The following CENATAC variants were observed in gnomAD, a reference collection of about 807,000 sequenced individuals.
The protein encoded by CENATAC is coiled-coil domain containing 84.
A neutral mutation model predicts 53.7 loss-of-function variants in CENATAC; 53 were observed. The observed-to-expected ratio is 0.99, with a 90% CI of 0.79 to 1.24. CENATAC has a LOEUF of 1.24. Ranked by LOEUF, CENATAC falls within the 50% of genes most tolerant of loss-of-function variation. The pLI is 0.00. For synonymous variants in CENATAC, 156 were observed against 144.6 expected (o/e 1.08, Z -0.57); for missense variants, 474 against 417.8 (o/e 1.13, Z -1.17).
chr11:119,006,651 G>A (rs1197992284), intron 3 of CENATAC, among the ~76,000 whole-genome samples: 1 of 152,168 alleles, frequency 6.6e-6, no homozygotes, highest in East Asian at 1.9e-4. Flanking sequence ...TTACAGGCGT[G>A]AGCCACTGCG....
intron 8 of CENATAC, 37 bp downstream of exon 8, chr11:119,013,299 A>ATT (rs371143734): frequency 7.6e-4 from 1,009 of 1,332,292 alleles, no homozygotes; most frequent in Middle Eastern, 1.2e-3. Context: ...ACCCTGGGAG[A>ATT]TTTTTTTTTT....
chr11:119,006,206 T>C (rs982218486), intron 3 of CENATAC, among the ~76,000 whole-genome samples: 5 of 146,840 alleles, frequency 3.4e-5, no homozygotes, highest in Non-Finnish European at 7.4e-5. Context: ...CTTGAGTAGC[T>C]GGGACTACAG....
Position 119,011,015 on chromosome 11 carries a change from A to G in CENATAC, c.450+185A>G, listed in dbSNP as rs533801985. 2.0e-5 allele frequency among the ~76,000 whole-genome samples: 3 copies of G among 152,308 alleles called. No individual in the cohort carries two copies. The South Asian group carries it at 6.2e-4, about 32-fold the overall frequency. ...AGATACCTTGCATGCCCAGTTCACA[A>G]TAGTGTTTGTGCTCCTATGAGAATG... On this transcript the variant is annotated intron_variant, in intron 4 of 10. Coordinates refer to ENST00000334418, the MANE Select transcript of CENATAC (RefSeq NM_198489.3).
At chr11:119,011,801 G>C (rs1008027358) in intron 5 of CENATAC, 138 bp from the exon 6 acceptor site, 14 of 712,198 alleles carry the variant, frequency 2.0e-5, no homozygotes, top group Non-Finnish European at 3.4e-5. Flanking sequence ...GGAGGGAAGA[G>C]TCTGTAAAAG....
chr11:119,015,557 G>A lies in CENATAC; in HGVS notation c.958G>A (p.Ala320Thr), dbSNP rs782677187. The change falls in exon 11 of 11, where the codon GCT (alanine) becomes ACT (threonine). Residue 320 changes from alanine to threonine, a missense_variant. By Grantham distance (58) the Ala-to-Thr change is moderately conservative. Transcript: ENST00000334418. ...WQSRHQFKTE[A>T]AAMKKQSHTE... is the part of the protein sequence containing the mutation. ...TTTCAGACATCAATTCAAAACTGAA[G>A]CTGCAGCAATGAAGAAGCAGTCACA... is the stretch of plus-strand genomic sequence containing the variant. The A allele has an allele frequency of 3.1e-6, 5 of 1,614,110 alleles. No homozygotes were observed. The South Asian group carries it at 3.3e-5, about 11-fold the overall frequency.
At chr11:119,010,578 AAAG>A in intron 3 of CENATAC, 183 bp from the exon 4 acceptor site, 2 of 582,158 alleles carry the variant, frequency 3.4e-6, no homozygotes, top group South Asian at 2.5e-5. Context: ...TGTCTGTACA[AAAG>A]AAGTGGAGCC....
At chr11:119,005,119 G>A (rs960397035) in intron 3 of CENATAC, among the ~76,000 whole-genome samples, 1 of 151,840 alleles carries the variant, frequency 6.6e-6, no homozygotes, top group Non-Finnish European at 1.5e-5. Flanking sequence ...GTGAAAAGAA[G>A]AAAACACGGA....
At chr11:119,012,047 G>A in intron 6 of CENATAC, 44 bp downstream of exon 6, 1 of 1,613,664 alleles carries the variant, frequency 6.2e-7, no homozygotes, top group Non-Finnish European at 8.5e-7. Flanking sequence ...TGACATCTTA[G>A]AACATTCTGC....
At position 119,015,768 on chromosome 11, in the gene CENATAC, AAAATT is replaced by A; in HGVS notation, c.*174_*178del. On this transcript the variant is annotated 3_prime_UTR_variant, in exon 11 of 11. Coordinates refer to ENST00000334418, the MANE Select transcript of CENATAC (RefSeq NM_198489.3). ...GTACAGCTGGTTGGACCTGTAAAAA[AAAATT>A]AAAAGAATCAGAACCATAAAGCTTT... 7.6e-7 allele frequency: 1 copy of A among 1,323,328 alleles called. No homozygotes were observed. Among genetic ancestry groups the A allele is most frequent in the Non-Finnish European group, 1.1e-6 (1 of 932,618 alleles). The allele number at this position is 1,323,328 out of a possible 1,614,324, so 82.0% of individuals were successfully genotyped here.
chr11:119,006,973 A>G (rs1942635537), intron 3 of CENATAC, among the ~76,000 whole-genome samples: 1 of 152,174 alleles, frequency 6.6e-6, no homozygotes, highest in Non-Finnish European at 1.5e-5. Context: ...CCCCGGCCAC[A>G]TGGAACTGTG....
chr11:119,003,391 A>T, intron 3 of CENATAC: 1 of 516,952 alleles, frequency 1.9e-6, no homozygotes, highest in Non-Finnish European at 3.8e-6. Context: ...TGGCCTTCAG[A>T]GCCTTGCTTT....
At chr11:119,008,154 T>C (rs1466360888) in intron 3 of CENATAC, among the ~76,000 whole-genome samples, 2 of 151,742 alleles carry the variant, frequency 1.3e-5, no homozygotes, top group Non-Finnish European at 2.9e-5. Context: ...TCGGGTGGGA[T>C]GAGAGACGGA....
rs900768911 is a variant in CENATAC at position 119,015,762 on chromosome 11, T to TA, written c.*173dup. ...CCAAATGTACAGCTGGTTGGACCTG[T>TA]AAAAAAAAATTAAAAGAATCAGAAC... On this transcript the variant is annotated 3_prime_UTR_variant, in exon 11 of 11. Transcript: ENST00000334418. 1,008 of 1,262,656 alleles carry TA rather than the reference T, an allele frequency of 8.0e-4. 1 individual carries two copies. The highest frequency in any genetic ancestry group is 2.3e-3 in the South Asian group (180 of 78,748). The allele number at this position is 1,262,656 out of a possible 1,614,324, so 78.2% of individuals were successfully genotyped here.
chr11:119,015,601 A>G lies in CENATAC; in HGVS notation c.*3A>G, dbSNP rs782061640. 5.0e-6 allele frequency: 8 copies of G among 1,613,982 alleles called. No homozygotes were observed. Among genetic ancestry groups the G allele is most frequent in the Admixed American group, 3.3e-5 (2 of 60,020 alleles). On this transcript the variant is annotated 3_prime_UTR_variant, in exon 11 of 11. Transcript: ENST00000334418. ...AGTCACATACAGAAAAAAGCTAATCATGCTCTCTACCAACTACCATGAGGC... is the reference window on the plus strand; with the variant it reads ...AGTCACATACAGAAAAAAGCTAATCGTGCTCTCTACCAACTACCATGAGGC...
chr11:118,999,866 T>C (rs1344562167), intron 3 of CENATAC, among the ~76,000 whole-genome samples: 1 of 152,040 alleles, frequency 6.6e-6, no homozygotes, highest in Admixed American at 6.6e-5. Flanking sequence ...ATGGTCTCGA[T>C]CTCCTGACCT....
At chr11:119,005,448 T>C (rs1395065109) in intron 3 of CENATAC, among the ~76,000 whole-genome samples, 5 of 150,356 alleles carry the variant, frequency 3.3e-5, no homozygotes, top group East Asian at 2.0e-4. Flanking sequence ...CCTGGCGACA[T>C]AGAGTGAGAC....
chr11:118,998,718 C>T, intron 2 of CENATAC, 125 bp downstream of exon 2: 1 of 1,260,264 alleles, frequency 7.9e-7, no homozygotes, highest in Non-Finnish European at 1.1e-6. Flanking sequence ...AGTCACTTCA[C>T]AGGTTTTGCC....
intron 3 of CENATAC, among the ~76,000 whole-genome samples, chr11:119,005,317 T>C (rs1942531831): frequency 6.6e-6 from 1 of 151,298 alleles, no homozygotes; most frequent in Admixed American, 6.6e-5. Context: ...ATACAAAAAA[T>C]TACCCAGACG....
At chr11:118,999,236 AC>A in intron 3 of CENATAC, 127 bp downstream of exon 3, 1 of 676,110 alleles carries the variant, frequency 1.5e-6, no homozygotes, top group Non-Finnish European at 2.6e-6. Context: ...TCTTCATAGC[AC>A]TTCTTATTCT....
Sources: allele counts gnomAD v4.1 joint callset (sites outside exome capture counted in the v4.1 genomes callset), GRCh38; gene constraint gnomAD v4.1.1; transcripts MANE v1.5; gene names NCBI Gene and HGNC (gene_info 2026-07-23, HGNC 2026-07-21).